The following ABCC11 variants were observed in gnomAD, a reference collection of about 807,000 sequenced individuals.
The protein encoded by ABCC11 is ATP-binding cassette sub-family C member 11.
A neutral mutation model predicts 149.3 loss-of-function variants in ABCC11; 135 were observed. That is an observed-to-expected ratio of 0.90 (90% CI 0.79 to 1.04). ABCC11 has a LOEUF of 1.04. Ranked by LOEUF, ABCC11 falls within the 50% of genes least tolerant of loss-of-function variation. ABCC11 has a pLI of 0.00. For missense variants in ABCC11, 1,680 were observed against 1,722.1 expected, an observed-to-expected ratio of 0.98 and a Z score of 0.43; for synonymous variants, 665 against 671.4, an observed-to-expected ratio of 0.99 and a Z score of 0.15.
At position 48,230,499 on chromosome 16, in the gene ABCC11, G is replaced by T; in HGVS notation, c.174C>A (p.Val58=). The change falls in exon 3 of 30, where the codon GTC becomes GTA. Residue 58 remains valine (V), a synonymous_variant. Transcript: ENST00000356608. ...CAGCATCATACTTCCCCCACGGTGG[G>T]ACAGCTGCCCTCCCTGGAGCCTCAG... The part of the protein sequence containing the change: ...RNPEAPGRAA[V]PPWGKYDAAL... The T allele has an allele frequency of 1.2e-6, 2 of 1,612,636 alleles. No individual in the cohort carries two copies. The highest frequency in any genetic ancestry group is 1.7e-6 in the Non-Finnish European group (2 of 1,179,322).
At chr16:48,175,060 G>T (rs1965959219) in intron 26 of ABCC11, among the ~76,000 whole-genome samples, 198 bp downstream of exon 26, 1 of 152,222 alleles carries the variant, frequency 6.6e-6, no homozygotes, top group Non-Finnish European at 1.5e-5. Flanking sequence ...TTTACAAAGT[G>T]CTCTTATATA....
chr16:48,224,569 C>T (rs1969952000), intron 4 of ABCC11, 140 bp from the exon 5 acceptor site: 1 of 895,264 alleles, frequency 1.1e-6, no homozygotes, highest in Non-Finnish European at 1.6e-6. Flanking sequence ...TCTGAGTACT[C>T]ATCCCCCTTT....
Position 48,205,525 on chromosome 16 carries a change from C to G in ABCC11, c.1693G>C (p.Glu565Gln). The change falls in exon 13 of 30, where the codon GAG (glutamate) becomes CAG (glutamine). Residue 565 changes from glutamate to glutamine, a missense_variant. Glu to Gln is a conservative substitution (Grantham distance 29). Coordinates refer to ENST00000356608, the MANE Select transcript of ABCC11 (RefSeq NM_001370497.1). ...SAILEEMHLLEGSVGVQGSLA... is the reference protein window; with the variant it reads ...SAILEEMHLLQGSVGVQGSLA... ...CTTCCCTGCACCCCCACCGAGCCCT[C>G]GAGCAAGTGCATCTGCGGCAGAATG... 1.2e-6 allele frequency: 2 copies of G among 1,613,824 alleles called. No individual in the cohort carries two copies. The highest frequency in any genetic ancestry group is 1.7e-6 in the Non-Finnish European group (2 of 1,179,900).
chr16:48,171,013 T>C (rs1441818075), intron 26 of ABCC11, 46 bp from the exon 27 acceptor site: 1 of 1,472,766 alleles, frequency 6.8e-7, no homozygotes, highest in East Asian at 2.3e-5. Context: ...TCACCCAGGC[T>C]TTGAACACTC....
intron 27 of ABCC11, among the ~76,000 whole-genome samples, chr16:48,170,625 G>C (rs1050264674): frequency 6.6e-6 from 1 of 152,158 alleles, no homozygotes; most frequent in Non-Finnish European, 1.5e-5. Context: ...ATCTCCTATT[G>C]AATGTACGTA....
Position 48,230,436 on chromosome 16 carries a change from C to T in ABCC11, c.236+1G>A, listed in dbSNP as rs1465556075. The T allele has an allele frequency of 6.2e-7, 1 of 1,603,396 alleles. No individual in the cohort carries two copies. The highest frequency in any genetic ancestry group is 1.7e-5 in the Admixed American group (1 of 58,652). On this transcript the variant is annotated splice_donor_variant, in intron 3 of 29. Transcript: ENST00000356608. LOFTEE classifies it high-confidence loss of function. ...CTCCCACCACCCCCATCAGGACTCACCTCGGCTTGGGACGGAAGGGAATCA... is the reference window on the plus strand; with the variant it reads ...CTCCCACCACCCCCATCAGGACTCATCTCGGCTTGGGACGGAAGGGAATCA...
At chr16:48,225,041 A>T (rs1969980592) in intron 4 of ABCC11, among the ~76,000 whole-genome samples, 1 of 142,444 alleles carries the variant, frequency 7.0e-6, no homozygotes, top group African/African-American at 2.7e-5. Context: ...CAAAAAACAA[A>T]CCAAAAAAAA....
chr16:48,223,929 C>T (rs1235489117), intron 5 of ABCC11, among the ~76,000 whole-genome samples: 1 of 152,170 alleles, frequency 6.6e-6, no homozygotes, highest in Non-Finnish European at 1.5e-5. Context: ...CCCTATGAGG[C>T]AGCTCTCCAT....
rs1280389309 is a variant in ABCC11 at position 48,167,555 on chromosome 16, CAATG to C, written c.3993_3996del (p.Ile1332ProfsTer8). The C allele has an allele frequency of 1.2e-6, 2 of 1,614,044 alleles. No individual in the cohort carries two copies. The highest frequency in any genetic ancestry group is 1.7e-6 in the Non-Finnish European group (2 of 1,180,038). On this transcript the variant is annotated frameshift_variant, in exon 29 of 30. Transcript: ENST00000356608. LOFTEE classifies it high-confidence loss of function. Reference sequence around the variant, plus strand: ...TTCAGCACAGTGGTGACACGGTGGGCAATGACGAGCACGGTGCAGCCCTGGAAGG... The same window carrying C: ...TTCAGCACAGTGGTGACACGGTGGGCACGAGCACGGTGCAGCCCTGGAAGG...
At chr16:48,213,666 A>G in intron 9 of ABCC11, 116 bp from the exon 10 acceptor site, 1 of 717,178 alleles carries the variant, frequency 1.4e-6, no homozygotes, top group Non-Finnish European at 2.2e-6. Flanking sequence ...TGCTTCATCC[A>G]ACAGAGGCTA....
At chr16:48,179,429 G>A (rs1292042713) in intron 23 of ABCC11, among the ~76,000 whole-genome samples, 1 of 152,208 alleles carries the variant, frequency 6.6e-6, no homozygotes, top group Non-Finnish European at 1.5e-5. Context: ...AGGCAGAGCT[G>A]GGCTTGGGGC....
chr16:48,200,178 T>C (rs1354845803), intron 15 of ABCC11, 98 bp downstream of exon 15: 1 of 1,313,756 alleles, frequency 7.6e-7, no homozygotes, highest in African/African-American at 1.4e-5. Flanking sequence ...TGAGGACAGC[T>C]GCTGGGAGGC....
At chr16:48,197,219 G>T (rs773155274) in intron 17 of ABCC11, among the ~76,000 whole-genome samples, 1 of 152,086 alleles carries the variant, frequency 6.6e-6, no homozygotes, top group Non-Finnish European at 1.5e-5. Context: ...AGCTACTTGG[G>T]AGGCTGAGGT....
intron 1 of ABCC11, among the ~76,000 whole-genome samples, chr16:48,240,708 G>A (rs767601551): frequency 2.0e-5 from 3 of 151,204 alleles, no homozygotes; most frequent in Admixed American, 1.3e-4. Context: ...AAGTAATTGC[G>A]GTTTCTTGCC....
At chr16:48,243,283 C>A (rs1221121036) in intron 1 of ABCC11, among the ~76,000 whole-genome samples, 1 of 151,396 alleles carries the variant, frequency 6.6e-6, no homozygotes, top group East Asian at 1.9e-4. Context: ...TGCCTGTAGT[C>A]CCCAGCTACT....
At chr16:48,208,358 G>C in intron 12 of ABCC11, 67 bp downstream of exon 12, 1 of 1,593,482 alleles carries the variant, frequency 6.3e-7, no homozygotes, top group Non-Finnish European at 8.6e-7. Flanking sequence ...CCCCGCCTGG[G>C]GCACTGGAGC....
Position 48,227,886 on chromosome 16 carries a change from G to C in ABCC11, c.315C>G (p.Ile105Met). Reference sequence around the variant, plus strand: ...CATCTAAGCGACTCCGTAAGCTTTGGATCATGAGCGGGGTGAGCCATGACA... The same window carrying C: ...CATCTAAGCGACTCCGTAAGCTTTGCATCATGAGCGGGGTGAGCCATGACA... ...LTVSWLTPLM[I>M]QSLRSRLDEN... The change falls in exon 4 of 30, where the codon ATC (isoleucine) becomes ATG (methionine). Residue 105 changes from isoleucine to methionine, a missense_variant. Transcript: ENST00000356608. 6.2e-7 allele frequency: 1 copy of C among 1,614,128 alleles called. No homozygotes were observed. The highest frequency in any genetic ancestry group is 8.5e-7 in the Non-Finnish European group (1 of 1,180,000).
intron 27 of ABCC11, among the ~76,000 whole-genome samples, chr16:48,170,461 G>A (rs972094564): frequency 1.3e-5 from 2 of 152,050 alleles, no homozygotes; most frequent in African/African-American, 4.8e-5. Context: ...TCAGTTCTTG[G>A]TCTCAGCTCA....
intron 23 of ABCC11, among the ~76,000 whole-genome samples, chr16:48,183,511 C>T (rs1325757577): frequency 2.6e-5 from 4 of 152,198 alleles, no homozygotes; most frequent in Non-Finnish European, 5.9e-5. Context: ...ACCTGAGTGC[C>T]AGCACTTTGG....
Sources: gnomAD v4.1 joint callset for allele counts (sites outside exome capture counted in the v4.1 genomes callset) on GRCh38, gnomAD v4.1.1 for gene constraint, MANE v1.5 for transcripts, NCBI Gene and HGNC (gene_info 2026-07-23, HGNC 2026-07-21) for gene names.